BACH2: variants seen among roughly 807,000 people sequenced by gnomAD.
The protein encoded by BACH2 is BACH transcriptional regulator 2, also known as transcription regulator protein BACH2.
A neutral mutation model predicts 61.8 loss-of-function variants in BACH2; 5 were observed. That is an observed-to-expected ratio of 0.08 (90% CI 0.04 to 0.17). The LOEUF is 0.17. BACH2 is among the 10% of genes least tolerant of loss of function. The probability of loss-of-function intolerance (pLI) is 1.00; values close to 1 mark genes in which losing one functional copy is unlikely to be tolerated. For synonymous variants in BACH2, 446 were observed against 440.1 expected, an observed-to-expected ratio of 1.01 and a Z score of -0.17; for missense variants, 824 against 1,091.1, an observed-to-expected ratio of 0.76 and a Z score of 3.45.
chr6:90,129,185 T>C (rs1353491805), intron 4 of BACH2, among the ~76,000 whole-genome samples: 2 of 152,110 alleles, frequency 1.3e-5, no homozygotes, highest in Admixed American at 1.3e-4. Flanking sequence ...AACCTGCACG[T>C]TGCGCACATG....
Position 89,932,896 on chromosome 6 carries a change from C to T in BACH2, c.2044-6G>A, listed in dbSNP as rs1409795886. 6.4e-7 allele frequency: 1 copy of T among 1,560,124 alleles called. No homozygotes were observed. Among genetic ancestry groups the T allele is most frequent in the South Asian group, 1.2e-5 (1 of 83,324 alleles). ...AGTTTCTCTTTCTCACACACCTGGACAGTAGAGAAAAAAAGAGAAGGGTTG... is the reference window on the plus strand; with the variant it reads ...AGTTTCTCTTTCTCACACACCTGGATAGTAGAGAAAAAAAGAGAAGGGTTG... On this transcript the variant is annotated splice_polypyrimidine_tract_variant and splice_region_variant and intron_variant, in intron 8 of 8. Coordinates refer to ENST00000257749, the MANE Select transcript of BACH2 (RefSeq NM_021813.4).
chr6:90,175,710 T>C (rs1767962560), intron 4 of BACH2, among the ~76,000 whole-genome samples: 2 of 152,168 alleles, frequency 1.3e-5, no homozygotes, highest in Admixed American at 6.5e-5. Flanking sequence ...TTAGATGTTT[T>C]GACATCTTAA....
chr6:90,018,691 T>C (rs1280368333), intron 5 of BACH2, among the ~76,000 whole-genome samples: 1 of 152,226 alleles, frequency 6.6e-6, no homozygotes, highest in African/African-American at 2.4e-5. Flanking sequence ...ATATAATGGT[T>C]TGTAATACCC....
At chr6:90,051,780 C>G (rs1168935577) in intron 5 of BACH2, among the ~76,000 whole-genome samples, 3 of 151,990 alleles carry the variant, frequency 2.0e-5, no homozygotes, top group Non-Finnish European at 4.4e-5. Flanking sequence ...ACGTTCAGCA[C>G]ATGTATCCCA....
intron 5 of BACH2, among the ~76,000 whole-genome samples, chr6:90,081,510 G>A (rs932072378): frequency 1.3e-5 from 2 of 152,080 alleles, no homozygotes; most frequent in Non-Finnish European, 2.9e-5. Flanking sequence ...CCTGAATTGA[G>A]CACATTCATT....
chr6:90,068,513 A>G (rs1781069995), intron 5 of BACH2, among the ~76,000 whole-genome samples: 1 of 152,192 alleles, frequency 6.6e-6, no homozygotes, highest in Non-Finnish European at 1.5e-5. Context: ...GGAGACGCTG[A>G]GGCCCAGGGC....
intron 3 of BACH2, among the ~76,000 whole-genome samples, chr6:90,235,889 G>T (rs1770245744): frequency 6.6e-6 from 1 of 152,190 alleles, no homozygotes; most frequent in Non-Finnish European, 1.5e-5. Context: ...TCATTGTCAA[G>T]AATACATGAG....
At chr6:90,064,941 G>A (rs746664599) in intron 5 of BACH2, among the ~76,000 whole-genome samples, 9 of 151,946 alleles carry the variant, frequency 5.9e-5, no homozygotes, top group African/African-American at 9.7e-5. Flanking sequence ...TACCTATCAC[G>A]TGCTTGATGC....
chr6:89,933,046 CA>C (rs1772771054), intron 8 of BACH2, among the ~76,000 whole-genome samples, 156 bp from the exon 9 acceptor site: 2 of 152,102 alleles, frequency 1.3e-5, no homozygotes, highest in South Asian at 4.1e-4. Flanking sequence ...GATACATATT[CA>C]GGGGGCCCAG....
chr6:90,230,863 C>T (rs1446047332), intron 3 of BACH2, among the ~76,000 whole-genome samples: 2 of 152,158 alleles, frequency 1.3e-5, no homozygotes, highest in Non-Finnish European at 2.9e-5. Context: ...TGGGATCAGA[C>T]TTAGGAACAG....
At chr6:90,259,144 TAC>T (rs1771078089) in intron 2 of BACH2, among the ~76,000 whole-genome samples, 1 of 152,216 alleles carries the variant, frequency 6.6e-6, no homozygotes, top group Non-Finnish European at 1.5e-5. Context: ...GCCTGCCTGA[TAC>T]TAGACCTTCA....
chr6:89,984,588 T>C (rs1776136787), intron 6 of BACH2, among the ~76,000 whole-genome samples: 1 of 152,148 alleles, frequency 6.6e-6, no homozygotes, highest in Non-Finnish European at 1.5e-5. Context: ...TAAAAGCCTA[T>C]TCCTATATTC....
At chr6:90,177,591 G>A (rs972414094) in intron 4 of BACH2, among the ~76,000 whole-genome samples, 2 of 152,164 alleles carry the variant, frequency 1.3e-5, no homozygotes, top group South Asian at 2.1e-4. Context: ...CTGGTGAAAC[G>A]TAATGCACGA....
chr6:89,946,128 C>T (rs1414572171), intron 7 of BACH2, among the ~76,000 whole-genome samples: 1 of 152,052 alleles, frequency 6.6e-6, no homozygotes, highest in Non-Finnish European at 1.5e-5. Flanking sequence ...GTTAATATTC[C>T]TAATATTAGG....
In BACH2 at chr6:90,296,806, G is replaced by C. The variant is rs933828627; in HGVS notation, c.-772C>G. On this transcript the variant is annotated 5_prime_UTR_variant, in exon 1 of 9. Coordinates refer to ENST00000257749, the MANE Select transcript of BACH2 (RefSeq NM_021813.4). ...GGCCGCTGCTGCCGCTGCTGCTGCTGCTGCTGCTGCTGAGGCGGCGGCGGC... is the reference window on the plus strand; with the variant it reads ...GGCCGCTGCTGCCGCTGCTGCTGCTCCTGCTGCTGCTGAGGCGGCGGCGGC... 5 of 176,994 alleles carry C rather than the reference G, an allele frequency of 2.8e-5. No individual in the cohort carries two copies. Among genetic ancestry groups the C allele is most frequent in the Non-Finnish European group, 5.7e-5 (5 of 88,008 alleles). The allele number at this position is 176,994 out of a possible 1,614,324, so 11.0% of individuals were successfully genotyped here.
At chr6:90,160,581 G>T (rs1017839985) in intron 4 of BACH2, among the ~76,000 whole-genome samples, 2 of 152,088 alleles carry the variant, frequency 1.3e-5, no homozygotes, top group Non-Finnish European at 2.9e-5. Context: ...AACTAAATGG[G>T]AATTTTGTAC....
chr6:90,026,129 T>A (rs1275517737), intron 5 of BACH2, among the ~76,000 whole-genome samples: 1 of 152,108 alleles, frequency 6.6e-6, no homozygotes, highest in African/African-American at 2.4e-5. Flanking sequence ...CAACAGATAG[T>A]CAAATGCCGA....
At chr6:90,206,338 A>G (rs542839831) in intron 4 of BACH2, among the ~76,000 whole-genome samples, 1 of 152,264 alleles carries the variant, frequency 6.6e-6, no homozygotes, top group African/African-American at 2.4e-5. Flanking sequence ...CCAGTATTTC[A>G]GCCACTCAGA....
intron 4 of BACH2, among the ~76,000 whole-genome samples, chr6:90,103,619 C>T (rs917452581): frequency 7.2e-5 from 11 of 152,144 alleles, no homozygotes; most frequent in African/African-American, 2.2e-4. Flanking sequence ...ACTTTGATCA[C>T]GATGACTGCT....
Sources: gnomAD v4.1 joint callset for allele counts (sites outside exome capture counted in the v4.1 genomes callset) on GRCh38, gnomAD v4.1.1 for gene constraint, MANE v1.5 for transcripts, NCBI Gene and HGNC (gene_info 2026-07-23, HGNC 2026-07-21) for gene names.